The following MYH9 variants were observed in gnomAD, a reference collection of about 807,000 sequenced individuals.
MYH9 encodes the protein myosin heavy chain 9, also known as myosin-9.
In MYH9, 29 loss-of-function variants were observed where a neutral mutation model predicts 241.9. The observed-to-expected ratio is 0.12, with a 90% confidence interval of 0.09 to 0.16. MYH9 has a LOEUF of 0.16. Among genes scored for constraint, MYH9 ranks in the 10% least tolerant of loss-of-function variants. MYH9 has a pLI of 1.00. For missense variants in MYH9, 1,803 were observed against 2,595.5 expected (o/e 0.69, Z 6.63); for synonymous variants, 1,047 against 1,062.6 (o/e 0.99, Z 0.29).
At chr22:36,319,469 C>A in intron 10 of MYH9, 71 bp downstream of exon 10, 2 of 1,426,110 alleles carry the variant, frequency 1.4e-6, no homozygotes, top group East Asian at 2.3e-5. Context: ...TTCCGCAAGA[C>A]CTTCCCTCCT....
Position 36,304,175 on chromosome 22 carries a change from C to A in MYH9, c.2230-20G>T. 6.2e-7 allele frequency: 1 copy of A among 1,612,918 alleles called. No individual in the cohort carries two copies. The highest frequency in any genetic ancestry group is 8.5e-7 in the Non-Finnish European group (1 of 1,179,920). On this transcript the variant is annotated intron_variant, in intron 18 of 40. Transcript: ENST00000216181. ...TTTTATCTAGGTGGGAGGAGCAGGCCGTTTACCTGGCCAGCAACTGGCCAC... is the reference window on the plus strand; with the variant it reads ...TTTTATCTAGGTGGGAGGAGCAGGCAGTTTACCTGGCCAGCAACTGGCCAC...
chr22:36,307,187 C>A (rs1454261658), intron 15 of MYH9, among the ~76,000 whole-genome samples: 1 of 152,224 alleles, frequency 6.6e-6, no homozygotes, highest in Non-Finnish European at 1.5e-5. Context: ...CTCCAAAGAA[C>A]TGCTCTTGAT....
chr22:36,339,083 T>C (rs2017544433), intron 3 of MYH9, among the ~76,000 whole-genome samples: 1 of 152,228 alleles, frequency 6.6e-6, no homozygotes, highest in Non-Finnish European at 1.5e-5. Context: ...ATTTTTGTTG[T>C]TGTTGAACAA....
intron 1 of MYH9, among the ~76,000 whole-genome samples, chr22:36,365,952 G>A (rs2018003982): frequency 6.6e-6 from 1 of 152,126 alleles, no homozygotes; most frequent in Admixed American, 6.5e-5. Context: ...GCTTTGGGAG[G>A]CTGAGGCGGA....
At chr22:36,321,046 G>T in intron 7 of MYH9, 150 bp from the exon 8 acceptor site, 1 of 627,020 alleles carries the variant, frequency 1.6e-6, no homozygotes, top group Non-Finnish European at 2.9e-6. Flanking sequence ...TCCACCTCCT[G>T]GATTCAAGCG....
chr22:36,301,906 G>GT (rs1032222023), intron 20 of MYH9, among the ~76,000 whole-genome samples: 1 of 152,096 alleles, frequency 6.6e-6, no homozygotes, highest in Non-Finnish European at 1.5e-5. Context: ...CCTCGGCATT[G>GT]TTTATCACAG....
intron 1 of MYH9, among the ~76,000 whole-genome samples, chr22:36,352,460 C>A (rs755888910): frequency 2.4e-4 from 36 of 152,218 alleles, no homozygotes; most frequent in Non-Finnish European, 4.6e-4. Flanking sequence ...AGCAAAGAAC[C>A]CATCTGGTAG....
intron 12 of MYH9, among the ~76,000 whole-genome samples, chr22:36,315,197 G>A (rs1314640913): frequency 6.6e-6 from 1 of 152,138 alleles, no homozygotes; most frequent in African/African-American, 2.4e-5. Flanking sequence ...AATGTAACAC[G>A]AAAACATCTG....
At chr22:36,340,465 A>C (rs2017567824) in intron 3 of MYH9, among the ~76,000 whole-genome samples, 1 of 151,880 alleles carries the variant, frequency 6.6e-6, no homozygotes. Flanking sequence ...GTTCGAGTCC[A>C]GCCTGGCCAA....
chr22:36,342,412 C>A (rs1434818629), intron 2 of MYH9, among the ~76,000 whole-genome samples: 1 of 152,170 alleles, frequency 6.6e-6, no homozygotes, highest in Non-Finnish European at 1.5e-5. Context: ...CATAGCACAG[C>A]ACGCAGCATA....
chr22:36,316,599 A>C lies in MYH9; in HGVS notation c.1298T>G (p.Ile433Ser). The C allele has an allele frequency of 6.2e-7, 1 of 1,614,130 alleles. No individual in the cohort carries two copies. The highest frequency in any genetic ancestry group is 8.5e-7 in the Non-Finnish European group (1 of 1,180,034). Reference protein sequence around the residue: ...ERMFRWLVLRINKALDKTKRQ... With the variant: ...ERMFRWLVLRSNKALDKTKRQ... ...CTTGGTCTTGTCCAGAGCCTTGTTG[A>C]TGCGCAGCACCAGCCAGCGGAACAT... Residue 433 changes from isoleucine to serine, a missense_variant, in exon 12 of 41, where the codon ATC becomes AGC. Ile to Ser is a moderately radical substitution (Grantham distance 142, BLOSUM62 -2). Coordinates refer to ENST00000216181, the MANE Select transcript of MYH9 (RefSeq NM_002473.6).
At chr22:36,310,672 C>T (rs939682839) in intron 14 of MYH9, among the ~76,000 whole-genome samples, 2 of 152,262 alleles carry the variant, frequency 1.3e-5, no homozygotes, top group African/African-American at 4.8e-5. Flanking sequence ...CCCTCCCACC[C>T]AGGCCAACAT....
Position 36,312,064 on chromosome 22 carries a change from G to A in MYH9, c.1713C>T (p.Ile571=). The change falls in exon 14 of 41, where the codon ATC becomes ATT. Residue 571 remains isoleucine, a synonymous_variant. Transcript: ENST00000216181. ...CGCTCCTCACCTTGCCGGCATAGTG[G>A]ATAATGCAGAAATCAGCTTTGTCCT... ...QLKDKADFCI[I]HYAGKVDYKA... 1 of 1,614,164 alleles carries A rather than the reference G, an allele frequency of 6.2e-7. No homozygotes were observed. Among genetic ancestry groups the A allele is most frequent in the Non-Finnish European group, 8.5e-7 (1 of 1,180,026 alleles).
At chr22:36,283,447 G>C (rs903310335) in intron 40 of MYH9, among the ~76,000 whole-genome samples, 11 of 150,972 alleles carry the variant, frequency 7.3e-5, no homozygotes, top group Non-Finnish European at 1.5e-4. Flanking sequence ...TGAGGGAGGA[G>C]AATCGCTTGA....
chr22:36,305,068 C>T lies in MYH9; in HGVS notation c.2194G>A (p.Gly732Ser), dbSNP rs957338981. The T allele has an allele frequency of 1.2e-6, 2 of 1,614,118 alleles. No individual in the cohort carries two copies. Among genetic ancestry groups the T allele is most frequent in the Non-Finnish European group, 1.7e-6 (2 of 1,180,000 alleles). The change falls in exon 18 of 41, where the codon GGT (glycine) becomes AGT (serine). Residue 732 changes from glycine to serine, a missense_variant. Around this residue, in one of 11 missense-constraint regions of MYH9, gnomAD observed 163 missense variants for 349.7 expected, o/e 0.47. Coordinates refer to ENST00000216181, the MANE Select transcript of MYH9 (RefSeq NM_002473.6). This position sits in a 1 kb window ranked among gnomAD's most constrained non-coding sequence, Gnocchi z 4.7. The part of the protein sequence containing the change: ...EILTPNSIPK[G>S]FMDGKQACVL... ...CACGCCTGCTTCCCGTCCATGAAAC[C>T]CTTGGGAATGGAGTTTGGAGTCAGG...
chr22:36,374,107 G>A (rs767320365), intron 1 of MYH9, among the ~76,000 whole-genome samples: 1 of 151,882 alleles, frequency 6.6e-6, no homozygotes, highest in Non-Finnish European at 1.5e-5. Flanking sequence ...AACTGGCTGG[G>A]CGCGGTGGCT....
chr22:36,316,168 G>C (rs1004213670), intron 12 of MYH9, among the ~76,000 whole-genome samples: 1 of 151,466 alleles, frequency 6.6e-6, no homozygotes, highest in Non-Finnish European at 1.5e-5. Context: ...CTCCTGAGTA[G>C]CTGGGATTAC....
At chr22:36,375,597 CCA>C (rs775047777) in intron 1 of MYH9, among the ~76,000 whole-genome samples, 4 of 152,238 alleles carry the variant, frequency 2.6e-5, no homozygotes, top group Non-Finnish European at 1.5e-5. Flanking sequence ...GTCTCCAAGG[CCA>C]CAGAGTCAGG....
At position 36,300,334 on chromosome 22, in the gene MYH9, C is replaced by T; in HGVS notation, c.2839-70G>A. On this transcript the variant is annotated intron_variant, in intron 22 of 40. Transcript: ENST00000216181. The surrounding 1 kb of genome is among the most constrained non-coding windows in gnomAD (Gnocchi z 5.0). The stretch of plus-strand genomic sequence containing the variant: ...ATGGCCAAGGTGAAGGCAGCAAGGT[C>T]CGAAGGCCAGATCCAAACGCCAAGG... 1 of 1,598,946 alleles carries T rather than the reference C, an allele frequency of 6.3e-7. No homozygotes were observed. Among genetic ancestry groups the T allele is most frequent in the South Asian group, 1.1e-5 (1 of 90,966 alleles).
Sources: allele counts gnomAD v4.1 joint callset (sites outside exome capture counted in the v4.1 genomes callset), GRCh38; gene constraint gnomAD v4.1.1; regional missense constraint gnomAD v4.1.1; non-coding constraint Gnocchi (gnomAD v3.1); transcripts MANE v1.5; gene names NCBI Gene and HGNC (gene_info 2026-07-23, HGNC 2026-07-21).